The following SLC45A4 variants were observed in gnomAD, a reference collection of about 807,000 sequenced individuals.
SLC45A4 encodes solute carrier family 45 member 4, also known as polyamine-transporter SLC45A4.
Under a neutral mutation model 63.7 loss-of-function variants are expected in SLC45A4, and 32 were observed. The observed-to-expected ratio is 0.50, with a 90% CI of 0.38 to 0.67. The LOEUF (loss-of-function observed/expected upper bound fraction) is 0.67, where lower values mean the gene tolerates loss of function less well. Ranked by LOEUF, SLC45A4 falls within the 30% of genes least tolerant of loss-of-function variation. SLC45A4 has a pLI of 0.00. For missense variants in SLC45A4, 1,027 were observed against 1,157.7 expected (o/e 0.89, Z 1.64); for synonymous variants, 535 against 510.0 (o/e 1.05, Z -0.66).
chr8:141,292,828 T>A (rs1830399425), intron 1 of SLC45A4: 1 of 152,276 alleles, frequency 6.6e-6, no homozygotes, highest in South Asian at 2.1e-4. Context: ...CTATCAACGC[T>A]GATGAAGGGC....
At chr8:141,250,128 A>G (rs1828396172) in intron 2 of SLC45A4, among the ~76,000 whole-genome samples, 1 of 152,218 alleles carries the variant, frequency 6.6e-6, no homozygotes, top group Non-Finnish European at 1.5e-5. Flanking sequence ...ACAACTTTGG[A>G]AAGCGACCTT....
intron 1 of SLC45A4, among the ~76,000 whole-genome samples, chr8:141,274,398 G>A (rs1829652856): frequency 6.6e-6 from 1 of 152,060 alleles, no homozygotes; most frequent in Admixed American, 6.6e-5. Context: ...GCTGGGCGTG[G>A]TGACAGACAC....
At chr8:141,301,641 G>C (rs927319464) in intron 1 of SLC45A4, among the ~76,000 whole-genome samples, 1 of 150,120 alleles carries the variant, frequency 6.7e-6, no homozygotes, top group Non-Finnish European at 1.5e-5. Context: ...GGGTGGAGGT[G>C]GGAGGATCAC....
At chr8:141,252,242 T>TC (rs1284626147) in intron 2 of SLC45A4, 1 of 152,110 alleles carries the variant, frequency 6.6e-6, no homozygotes, top group East Asian at 1.9e-4. Flanking sequence ...TGACAAAATT[T>TC]TTAGGGCCCA....
At chr8:141,286,987 A>G (rs1830172729) in intron 1 of SLC45A4, among the ~76,000 whole-genome samples, 1 of 152,048 alleles carries the variant, frequency 6.6e-6, no homozygotes, top group South Asian at 2.1e-4. Flanking sequence ...TATTTTTATC[A>G]CCAAATCCTA....
At chr8:141,251,806 C>T (rs1299030959) in intron 2 of SLC45A4, among the ~76,000 whole-genome samples, 1 of 151,464 alleles carries the variant, frequency 6.6e-6, no homozygotes, top group Non-Finnish European at 1.5e-5. Flanking sequence ...TATTAAGTGA[C>T]AAGATCGAGG....
chr8:141,260,096 C>G (rs1589825865), intron 1 of SLC45A4, among the ~76,000 whole-genome samples: 1 of 152,196 alleles, frequency 6.6e-6, no homozygotes, highest in Non-Finnish European at 1.5e-5. Flanking sequence ...CAGCTGGCTT[C>G]CCTTCCTCAA....
At position 141,304,268 on chromosome 8, in the gene SLC45A4, TAC is replaced by T. The variant is rs59200665; in HGVS notation, c.-401+3826_-401+3827del. ...ACAGTGAGACCCCCTGACTCTTAAA[TAC>T]ACACACACACACACGCAAAGGAGAG... is the stretch of plus-strand genomic sequence containing the variant. On this transcript the variant is annotated intron_variant, in intron 1 of 8. Transcript: ENST00000517878. 6.4e-3 allele frequency among the ~76,000 whole-genome samples: 964 copies of T among 151,008 alleles called. 7 individuals are homozygous for T. The highest frequency in any genetic ancestry group is 0.01 in the Middle Eastern group (3 of 294).
chr8:141,231,036 G>A (rs1482393072), intron 2 of SLC45A4, among the ~76,000 whole-genome samples: 3 of 152,324 alleles, frequency 2.0e-5, no homozygotes, highest in Middle Eastern at 3.4e-3. Flanking sequence ...CTTCTCCCCT[G>A]TAAAATGGAG....
rs1368206009 is a variant in SLC45A4, at chr8:141,229,322, C to CACCCT, written c.242-7562_242-7558dup. On this transcript the variant is annotated intron_variant, in intron 2 of 8. Coordinates refer to ENST00000517878, the MANE Select transcript of SLC45A4 (RefSeq NM_001286646.2). The surrounding 1 kb of genome is among the most constrained non-coding windows in gnomAD (Gnocchi z 5.0). ...CCTGCCTCATGCCTGCAGCCCACAA[C>CACCCT]ACCCTACCCTACCCACTGGCTGGAC... Among the ~76,000 whole-genome samples, 3 of 152,142 alleles carry CACCCT rather than the reference C, an allele frequency of 2.0e-5. No individual in the cohort carries two copies. Among genetic ancestry groups the CACCCT allele is most frequent in the Admixed American group, 6.5e-5 (1 of 15,280 alleles).
Position 141,207,404 on chromosome 8 carries a change from T to C in SLC45A4, c.*4168A>G, listed in dbSNP as rs946572797. The C allele has an allele frequency of 3.3e-5, 5 of 152,128 alleles. No homozygotes were observed. Among genetic ancestry groups the C allele is most frequent in the Admixed American group, 6.5e-5 (1 of 15,268 alleles). 9.4% of individuals were successfully genotyped at this position (152,128 alleles called of 1,614,324 possible). On this transcript the variant is annotated 3_prime_UTR_variant, in exon 9 of 9. Transcript: ENST00000517878. ...CATGAGGCCACTGTTACCCAACTAA[T>C]AGAAGAGAGTCATGAGCGACACGAC...
intron 1 of SLC45A4, among the ~76,000 whole-genome samples, chr8:141,299,717 A>G (rs1830682926): frequency 6.6e-6 from 1 of 152,212 alleles, no homozygotes; most frequent in Non-Finnish European, 1.5e-5. Flanking sequence ...TACTGAAGTA[A>G]AGCCTCAGGT....
intron 2 of SLC45A4, among the ~76,000 whole-genome samples, chr8:141,250,132 C>T (rs976763911): frequency 2.6e-5 from 4 of 152,180 alleles, no homozygotes; most frequent in Non-Finnish European, 5.9e-5. Context: ...CTTTGGAAAG[C>T]GACCTTCAAT....
In SLC45A4 at chr8:141,256,733, C is replaced by T. The variant is rs554835843; in HGVS notation, c.-400-2104G>A. On this transcript the variant is annotated intron_variant, in intron 1 of 8. Coordinates refer to ENST00000517878, the MANE Select transcript of SLC45A4 (RefSeq NM_001286646.2). This position sits in a 1 kb window ranked among gnomAD's most constrained non-coding sequence, Gnocchi z 4.3. ...CCCTGAACGTCGCTACGATTCCACACGACAGCCCTCGAGAATTCTTTCAAG... is the reference window on the plus strand; with the variant it reads ...CCCTGAACGTCGCTACGATTCCACATGACAGCCCTCGAGAATTCTTTCAAG... 23 of 416,676 alleles carry T rather than the reference C, an allele frequency of 5.5e-5. No homozygotes were observed. Among genetic ancestry groups the T allele is most frequent in the Non-Finnish European group, 8.5e-5 (17 of 200,940 alleles). The allele number at this position is 416,676 out of a possible 1,614,324, so 25.8% of individuals were successfully genotyped here.
intron 2 of SLC45A4, chr8:141,228,482 C>A: frequency 7.5e-7 from 1 of 1,340,004 alleles, no homozygotes; most frequent in South Asian, 1.7e-5. Flanking sequence ...CTTGTGGGCA[C>A]CTGTCTTCAC....
At chr8:141,259,952 C>CA (rs1828981051) in intron 1 of SLC45A4, among the ~76,000 whole-genome samples, 1 of 152,212 alleles carries the variant, frequency 6.6e-6, no homozygotes, top group African/African-American at 2.4e-5. Context: ...TTCCCCACCC[C>CA]ACCAGCTATG....
Position 141,227,100 on chromosome 8 carries a change from A to C in SLC45A4, c.242-5335T>G, listed in dbSNP as rs1827051070. Among the ~76,000 whole-genome samples the C allele has an allele frequency of 6.6e-6, 1 of 152,064 alleles. No homozygotes were observed. Among genetic ancestry groups the C allele is most frequent in the Non-Finnish European group, 1.5e-5 (1 of 68,004 alleles). ...GGCATTTCCCAGCCCGGCTCCAAAC[A>C]CACACAACGCTGGGCCCAGTAAATA... is the stretch of plus-strand genomic sequence containing the variant. On this transcript the variant is annotated intron_variant, in intron 2 of 8. Transcript: ENST00000517878. The surrounding 1 kb of genome is among the most constrained non-coding windows in gnomAD (Gnocchi z 4.4).
chr8:141,280,784 CTG>C (rs1271236228), intron 1 of SLC45A4, among the ~76,000 whole-genome samples: 1 of 152,218 alleles, frequency 6.6e-6, no homozygotes, highest in Non-Finnish European at 1.5e-5. Context: ...GCACAGGTAA[CTG>C]GAATCCTCCC....
Position 141,208,225 on chromosome 8 carries a change from C to T in SLC45A4, c.*3347G>A, listed in dbSNP as rs559127772. On this transcript the variant is annotated 3_prime_UTR_variant, in exon 9 of 9. Coordinates refer to ENST00000517878, the MANE Select transcript of SLC45A4 (RefSeq NM_001286646.2). ...CCTGGTCTCTAATAGGGGCCGCCAT[C>T]GCTGGTGGCTGCACAAACCATTAGC... The T allele has an allele frequency of 2.0e-5, 3 of 152,340 alleles. No homozygotes were observed. In the South Asian group the frequency reaches 6.2e-4, roughly 32 times the overall value. 9.4% of individuals were successfully genotyped at this position (152,340 alleles called of 1,614,324 possible). A position where few individuals can be genotyped will look rare whatever the true frequency, so the allele number is the denominator to read the frequency against.
Sources: gnomAD v4.1 joint callset for allele counts (sites outside exome capture counted in the v4.1 genomes callset) on GRCh38, gnomAD v4.1.1 for gene constraint, Gnocchi (gnomAD v3.1) non-coding constraint, MANE v1.5 for transcripts, NCBI Gene and HGNC (gene_info 2026-07-23, HGNC 2026-07-21) for gene names.